MAGI1: variants seen among roughly 807,000 people sequenced by gnomAD.
MAGI1 encodes membrane-associated guanylate kinase, WW and PDZ domain-containing protein 1.
Under a neutral mutation model 139.9 loss-of-function variants are expected in MAGI1, and 58 were observed. The ratio of observed to expected loss-of-function variants is 0.41; its 90% CI spans 0.34 to 0.52. The LOEUF is 0.52. MAGI1 is among the 20% of genes least tolerant of loss of function. The pLI is 0.12. For missense variants in MAGI1, 1,874 were observed against 1,901.6 expected (o/e 0.99, Z 0.27); for synonymous variants, 812 against 737.9 (o/e 1.10, Z -1.63).
intron 1 of MAGI1, among the ~76,000 whole-genome samples, chr3:65,954,729 TAAGTC>T (rs1220569602): frequency 2.0e-5 from 3 of 152,188 alleles, no homozygotes; most frequent in African/African-American, 7.2e-5. Context: ...GGAGGAATCT[TAAGTC>T]AAGTTTCTTA....
At chr3:65,743,310 A>T (rs1419316087) in intron 1 of MAGI1, among the ~76,000 whole-genome samples, 1 of 152,192 alleles carries the variant, frequency 6.6e-6, no homozygotes, top group Non-Finnish European at 1.5e-5. Flanking sequence ...TATAGTCTAG[A>T]AGATTCCTAA....
chr3:65,853,786 G>A (rs2108406068), intron 1 of MAGI1, among the ~76,000 whole-genome samples: 1 of 152,282 alleles, frequency 6.6e-6, no homozygotes, highest in African/African-American at 2.4e-5. Context: ...GCCTTCCAGG[G>A]AGAAAGTGGT....
chr3:65,650,113 C>T lies in MAGI1; in HGVS notation c.314-28025G>A, dbSNP rs568819202. Among the ~76,000 whole-genome samples the T allele has an allele frequency of 3.3e-5, 5 of 152,296 alleles. No homozygotes were observed. In the East Asian group the frequency reaches 5.8e-4, roughly 18 times the overall value. On this transcript the variant is annotated intron_variant, in intron 1 of 22. Coordinates refer to ENST00000402939, the MANE Select transcript of MAGI1 (RefSeq NM_001033057.2). ...TTACTGCTATTATTTCAAGAACAGG[C>T]TGGTTCCTCATAAAAGGATGAGTCT...
chr3:65,656,577 T>C (rs2085886528), intron 1 of MAGI1, among the ~76,000 whole-genome samples: 1 of 139,816 alleles, frequency 7.2e-6, no homozygotes. Context: ...GAAAATCTTT[T>C]AGAGCAAACT....
intron 1 of MAGI1, among the ~76,000 whole-genome samples, chr3:65,740,476 T>C (rs1252533563): frequency 6.6e-6 from 1 of 152,180 alleles, no homozygotes; most frequent in African/African-American, 2.4e-5. Flanking sequence ...CTGAACCCTT[T>C]GTTTCTAACA....
chr3:65,987,431 C>T (rs1480247475), intron 1 of MAGI1, among the ~76,000 whole-genome samples: 1 of 152,092 alleles, frequency 6.6e-6, no homozygotes, highest in Non-Finnish European at 1.5e-5. Flanking sequence ...GCATATGAAG[C>T]TAAGATGTAG....
At chr3:65,712,893 T>C (rs2031677967) in intron 1 of MAGI1, among the ~76,000 whole-genome samples, 1 of 152,220 alleles carries the variant, frequency 6.6e-6, no homozygotes, top group Non-Finnish European at 1.5e-5. Context: ...CTACAAATGC[T>C]GCCCCTAAAT....
intron 1 of MAGI1, among the ~76,000 whole-genome samples, chr3:65,787,272 G>A (rs2108046437): frequency 6.6e-6 from 1 of 152,080 alleles, no homozygotes; most frequent in South Asian, 2.1e-4. Context: ...ACAGGGCCCG[G>A]TCATCTTTAA....
rs140253399 is a variant in MAGI1, at chr3:65,557,774, A to G, written c.431-64143T>C. 5.3e-3 allele frequency among the ~76,000 whole-genome samples: 811 copies of G among 152,294 alleles called. 8 individuals are homozygous for G. The highest frequency in any genetic ancestry group is 0.019 in the African/African-American group (781 of 41,560). ...AGGCCTCAAAAACATTAGGTGGGTG[A>G]ATTAATTGTCCTAGCAATACAACTG... On this transcript the variant is annotated intron_variant, in intron 2 of 22. Transcript: ENST00000402939.
intron 1 of MAGI1, among the ~76,000 whole-genome samples, chr3:65,909,332 C>T (rs1375837110): frequency 6.6e-6 from 1 of 151,026 alleles, no homozygotes; most frequent in Non-Finnish European, 1.5e-5. Flanking sequence ...CAAGATCAGC[C>T]TGCACAACAA....
chr3:65,650,554 G>A (rs556164579), intron 1 of MAGI1, among the ~76,000 whole-genome samples: 1 of 152,290 alleles, frequency 6.6e-6, no homozygotes, highest in South Asian at 2.1e-4. Context: ...TGTAGGCAAG[G>A]GACAGAGTCT....
intron 1 of MAGI1, among the ~76,000 whole-genome samples, chr3:65,915,003 A>T (rs186313320): frequency 5.2e-4 from 79 of 152,314 alleles, no homozygotes; most frequent in Non-Finnish European, 8.4e-4. Context: ...ATAGTTGATA[A>T]TTTTTTTACA....
At chr3:66,035,680 A>T (rs1338275963) in intron 1 of MAGI1, among the ~76,000 whole-genome samples, 1 of 152,128 alleles carries the variant, frequency 6.6e-6, no homozygotes, top group Non-Finnish European at 1.5e-5. Flanking sequence ...AAGTAGATTC[A>T]CGTACATCCA....
At chr3:65,484,141 T>C (rs1307426041) in intron 3 of MAGI1, among the ~76,000 whole-genome samples, 1 of 152,176 alleles carries the variant, frequency 6.6e-6, no homozygotes, top group Non-Finnish European at 1.5e-5. Flanking sequence ...ACAATTAAAT[T>C]ACATTAAGTA....
chr3:65,808,624 C>A (rs1173950871), intron 1 of MAGI1, among the ~76,000 whole-genome samples: 3 of 152,192 alleles, frequency 2.0e-5, no homozygotes. Context: ...GCAGCCAGCA[C>A]GCTCTCAGCA....
chr3:65,610,913 A>G (rs1414192096), intron 2 of MAGI1, among the ~76,000 whole-genome samples: 3 of 140,366 alleles, frequency 2.1e-5, no homozygotes, highest in Non-Finnish European at 4.6e-5. Context: ...TATAGTATAT[A>G]GACACTATAT....
At chr3:65,937,061 A>G (rs2063099446) in intron 1 of MAGI1, among the ~76,000 whole-genome samples, 1 of 152,056 alleles carries the variant, frequency 6.6e-6, no homozygotes, top group Non-Finnish European at 1.5e-5. Context: ...CTGATGATTA[A>G]CAATTTTGTA....
intron 1 of MAGI1, among the ~76,000 whole-genome samples, chr3:65,787,578 A>G (rs552577600): frequency 6.7e-6 from 1 of 150,020 alleles, no homozygotes; most frequent in South Asian, 2.2e-4. Context: ...GATGCTGGAA[A>G]TATAACAGCA....
At chr3:65,439,774 A>T in intron 9 of MAGI1, 105 bp downstream of exon 9, 1 of 1,573,934 alleles carries the variant, frequency 6.4e-7, no homozygotes, top group Non-Finnish European at 8.6e-7. Context: ...GTGGCAAGAG[A>T]GGACTCAATC....
Sources: gnomAD v4.1 joint callset for allele counts (sites outside exome capture counted in the v4.1 genomes callset) on GRCh38, gnomAD v4.1.1 for gene constraint, MANE v1.5 for transcripts, NCBI Gene and HGNC (gene_info 2026-07-23, HGNC 2026-07-21) for gene names.